The following TENM4 variants were observed in gnomAD, a reference collection of about 807,000 sequenced individuals.
TENM4 encodes teneurin transmembrane protein 4.
In TENM4, 82 loss-of-function variants were observed where a neutral mutation model predicts 243.3. The observed-to-expected ratio is 0.34, with a 90% CI of 0.28 to 0.40. The LOEUF (loss-of-function observed/expected upper bound fraction) is 0.40, where lower values mean the gene tolerates loss of function less well. Among genes scored for constraint, TENM4 ranks in the 10% least tolerant of loss-of-function variants. TENM4 has a pLI of 1.00. For synonymous variants in TENM4, 1,412 were observed against 1,456.3 expected, an observed-to-expected ratio of 0.97 and a Z score of 0.69; for missense variants, 3,138 against 3,673.3, an observed-to-expected ratio of 0.85 and a Z score of 3.77.
chr11:79,259,524 T>A (rs1451238675), intron 2 of TENM4, among the ~76,000 whole-genome samples: 2 of 151,650 alleles, frequency 1.3e-5, no homozygotes, highest in African/African-American at 4.9e-5. Flanking sequence ...CATCCATCCA[T>A]CCATCCACCC....
chr11:79,374,392 C>G (rs950077930), intron 1 of TENM4, among the ~76,000 whole-genome samples: 1 of 152,042 alleles, frequency 6.6e-6, no homozygotes, highest in Non-Finnish European at 1.5e-5. Context: ...GAAACTAAGG[C>G]GATAAACATT....
rs1303997289 is a variant in TENM4 at position 79,440,897 on chromosome 11, T to A, written c.-709A>T. The A allele has an allele frequency of 6.6e-6, 1 of 152,050 alleles. No individual in the cohort carries two copies. The highest frequency in any genetic ancestry group is 1.5e-5 in the Non-Finnish European group (1 of 68,510). The allele number at this position is 152,050 out of a possible 1,614,324, so 9.4% of individuals were successfully genotyped here. ...TGTGTGTGTGTTTAATAGCTTCCCT[T>A]CTCTTCTTCCCCTCCCTGCCTGCTC... On this transcript the variant is annotated 5_prime_UTR_variant, in exon 1 of 34. Transcript: ENST00000278550. This position sits in a 1 kb window ranked among gnomAD's most constrained non-coding sequence, Gnocchi z 4.7.
chr11:79,273,770 G>A (rs1856008278), intron 2 of TENM4, among the ~76,000 whole-genome samples: 2 of 152,310 alleles, frequency 1.3e-5, no homozygotes, highest in African/African-American at 2.4e-5. Context: ...TAAATGCGCT[G>A]TAAATGCCCT....
At chr11:79,408,913 T>G (rs940153679) in intron 1 of TENM4, among the ~76,000 whole-genome samples, 2 of 152,182 alleles carry the variant, frequency 1.3e-5, no homozygotes, top group African/African-American at 4.8e-5. Flanking sequence ...TGGAAGCTCA[T>G]AGCAGAATTA....
intron 1 of TENM4, among the ~76,000 whole-genome samples, chr11:79,432,712 A>T (rs1264991268): frequency 6.6e-6 from 1 of 152,220 alleles, no homozygotes; most frequent in Admixed American, 6.5e-5. Flanking sequence ...AAATTTTTAC[A>T]TGTCTCGATC....
At chr11:78,874,710 T>C (rs948223610) in intron 9 of TENM4, among the ~76,000 whole-genome samples, 1 of 152,224 alleles carries the variant, frequency 6.6e-6, no homozygotes, top group Non-Finnish European at 1.5e-5. Flanking sequence ...TGTGTGCTTA[T>C]ATACACAGTG....
intron 1 of TENM4, among the ~76,000 whole-genome samples, chr11:79,430,029 T>C (rs73496679): frequency 0.035 from 5,162 of 149,006 alleles, 251 homozygotes; most frequent in African/African-American, 0.11. Flanking sequence ...CACCAAGAGG[T>C]GAAATTTGGG....
chr11:79,039,026 G>T (rs1474076172), intron 6 of TENM4, among the ~76,000 whole-genome samples: 1 of 152,138 alleles, frequency 6.6e-6, no homozygotes, highest in African/African-American at 2.4e-5. Flanking sequence ...ACCCCAGGGG[G>T]GCCTCAGGCA....
chr11:79,211,402 A>G (rs971604214), intron 3 of TENM4, among the ~76,000 whole-genome samples: 3 of 152,140 alleles, frequency 2.0e-5, no homozygotes, highest in Non-Finnish European at 4.4e-5. Flanking sequence ...TTATACCCAC[A>G]GTTTTCAAAG....
At chr11:78,973,561 T>TC (rs1321203637) in intron 6 of TENM4, among the ~76,000 whole-genome samples, 1 of 152,094 alleles carries the variant, frequency 6.6e-6, no homozygotes, top group Non-Finnish European at 1.5e-5. Flanking sequence ...CTGCTTTTTT[T>TC]CCCCAAGAAT....
chr11:78,972,006 T>C (rs1857555477), intron 6 of TENM4, among the ~76,000 whole-genome samples: 1 of 152,252 alleles, frequency 6.6e-6, no homozygotes. Context: ...GTGCAATCTG[T>C]ATAAAAATGT....
intron 4 of TENM4, among the ~76,000 whole-genome samples, chr11:79,090,940 C>A (rs1368446903): frequency 6.6e-6 from 1 of 152,190 alleles, no homozygotes; most frequent in African/African-American, 2.4e-5. Context: ...GAAGGGCTGC[C>A]TCCCTCACCC....
chr11:78,722,350 C>A (rs1293027026), intron 24 of TENM4, among the ~76,000 whole-genome samples: 1 of 152,210 alleles, frequency 6.6e-6, no homozygotes, highest in African/African-American at 2.4e-5. Flanking sequence ...GTGACTCATT[C>A]TAATCAGTTT....
At chr11:78,827,224 G>T (rs1857873687) in intron 12 of TENM4, among the ~76,000 whole-genome samples, 1 of 151,984 alleles carries the variant, frequency 6.6e-6, no homozygotes, top group Admixed American at 6.6e-5. Context: ...ATAATCTTGG[G>T]AACTATACTT....
At chr11:79,021,206 A>T (rs1185211417) in intron 6 of TENM4, among the ~76,000 whole-genome samples, 2 of 152,220 alleles carry the variant, frequency 1.3e-5, no homozygotes, top group Non-Finnish European at 2.9e-5. Context: ...AGGGTTTCTA[A>T]GTCTCTTCTC....
At chr11:79,237,236 A>G (rs984622448) in intron 2 of TENM4, among the ~76,000 whole-genome samples, 5 of 152,170 alleles carry the variant, frequency 3.3e-5, no homozygotes, top group African/African-American at 1.2e-4. Context: ...TGCGCCTTAA[A>G]GACCTGTATT....
intron 1 of TENM4, among the ~76,000 whole-genome samples, chr11:79,364,319 C>A (rs181628768): frequency 4.6e-5 from 7 of 152,302 alleles, no homozygotes; most frequent in Admixed American, 3.3e-4. Context: ...GCCCAATGGG[C>A]CTGCCATGGA....
intron 4 of TENM4, among the ~76,000 whole-genome samples, chr11:79,122,437 C>G (rs1861762856): frequency 6.6e-6 from 1 of 152,124 alleles, no homozygotes; most frequent in Admixed American, 6.6e-5. Flanking sequence ...AGCAGGGGGT[C>G]TGATTGAGTT....
intron 6 of TENM4, among the ~76,000 whole-genome samples, chr11:79,044,681 T>C (rs1408586192): frequency 6.6e-6 from 1 of 152,336 alleles, no homozygotes; most frequent in East Asian, 1.9e-4. Flanking sequence ...ATAAGTCTCC[T>C]GTTTTTGTGA....
Sources: gnomAD v4.1 joint callset for allele counts (sites outside exome capture counted in the v4.1 genomes callset) on GRCh38, gnomAD v4.1.1 for gene constraint, Gnocchi (gnomAD v3.1) non-coding constraint, MANE v1.5 for transcripts, NCBI Gene and HGNC (gene_info 2026-07-23, HGNC 2026-07-21) for gene names.